The following PFKL variants were observed in gnomAD, a reference collection of about 807,000 sequenced individuals.
PFKL encodes the protein phosphofructokinase, liver type.
PFKL carries 74 observed loss-of-function variants against 92.1 expected under a neutral mutation model. The observed-to-expected ratio is 0.80, with a 90% CI of 0.67 to 0.97. The LOEUF (loss-of-function observed/expected upper bound fraction) is 0.97, where lower values mean the gene tolerates loss of function less well. Ranked by LOEUF, PFKL falls within the 50% of genes least tolerant of loss-of-function variation. The pLI is 0.00. For synonymous variants in PFKL, 494 were observed against 456.4 expected (o/e 1.08, Z -1.05); for missense variants, 1,028 against 1,116.6 (o/e 0.92, Z 1.13).
chr21:44,324,252 C>T (rs2047435693), intron 16 of PFKL, among the ~76,000 whole-genome samples: 2 of 152,098 alleles, frequency 1.3e-5, no homozygotes, highest in South Asian at 4.2e-4. Flanking sequence ...CACTCACAGC[C>T]AGTGTGTGTG....
At chr21:44,320,839 C>T (rs1020270487) in intron 12 of PFKL, 2 of 152,276 alleles carry the variant, frequency 1.3e-5, no homozygotes, top group African/African-American at 2.4e-5. Flanking sequence ...TAGAGAGAGT[C>T]ACGGCCAGTG....
intron 11 of PFKL, chr21:44,319,807 G>T: frequency 3.9e-6 from 2 of 511,830 alleles, no homozygotes; most frequent in South Asian, 2.5e-5. Context: ...TCCCATGCGT[G>T]CCTCCACCCG....
At chr21:44,313,301 C>G (rs987970684) in intron 5 of PFKL, among the ~76,000 whole-genome samples, 158 bp downstream of exon 5, 3 of 152,180 alleles carry the variant, frequency 2.0e-5, no homozygotes, top group Non-Finnish European at 4.4e-5. Context: ...GAACGCACAG[C>G]GGGCTCCACT....
intron 7 of PFKL, chr21:44,314,853 C>G (rs995159251): frequency 3.9e-5 from 6 of 152,344 alleles, no homozygotes; most frequent in African/African-American, 1.4e-4. Context: ...GTGGCTCTAG[C>G]TCTGTCCTCT....
chr21:44,311,623 G>A (rs542026686), intron 3 of PFKL, among the ~76,000 whole-genome samples: 56 of 152,330 alleles, frequency 3.7e-4, no homozygotes, highest in Non-Finnish European at 6.5e-4. Flanking sequence ...GGGTCATGGG[G>A]TTGCCAGGGG....
At chr21:44,321,634 C>T in intron 12 of PFKL, 95 bp from the exon 13 acceptor site, 1 of 1,347,898 alleles carries the variant, frequency 7.4e-7, no homozygotes, top group Non-Finnish European at 9.8e-7. Flanking sequence ...GGCCTGGCCC[C>T]TTTTTCCAGA....
Position 44,319,410 on chromosome 21 carries a change from TGGTG to T in PFKL, c.1126_1127+2del, listed in dbSNP as rs1793555411. On this transcript the variant is annotated frameshift_variant and splice_region_variant, in exon 11 of 22. Transcript: ENST00000349048. LOFTEE classifies it high-confidence loss of function. ...GGTTTGACGAGGCCACCCAGCTCCG[TGGTG>T]GGTAAGCCCCCTCAGCAGACCCCTG... 6.2e-7 allele frequency: 1 copy of T among 1,612,798 alleles called. No individual in the cohort carries two copies. The highest frequency in any genetic ancestry group is 1.7e-5 in the Admixed American group (1 of 60,002).
rs1254868982 is a variant in PFKL at position 44,326,196 on chromosome 21, G to C, written c.2127G>C (p.Val709=). 1 of 1,613,148 alleles carries C rather than the reference G, an allele frequency of 6.2e-7. No homozygotes were observed. The highest frequency in any genetic ancestry group is 8.5e-7 in the Non-Finnish European group (1 of 1,179,852). The change falls in exon 21 of 22, where the codon GTG becomes GTC. Residue 709 remains valine, a synonymous_variant. Coordinates refer to ENST00000349048, the MANE Select transcript of PFKL (RefSeq NM_002626.6). ...CCAATGCCCCAGACTCGGCCTGCGT[G>C]ATCGGCCTGAAGAAGAAGGCGGTGG... ...VFANAPDSAC[V]IGLKKKAVAF...
chr21:44,317,913 T>C (rs2047251753), intron 9 of PFKL, among the ~76,000 whole-genome samples: 1 of 152,240 alleles, frequency 6.6e-6, no homozygotes, highest in South Asian at 2.1e-4. Context: ...CTGCTGGGCT[T>C]CTACAGGGCT....
chr21:44,307,525 C>T (rs1798003698), intron 2 of PFKL, among the ~76,000 whole-genome samples: 1 of 152,148 alleles, frequency 6.6e-6, no homozygotes, highest in Non-Finnish European at 1.5e-5. Context: ...GTAGCAACCC[C>T]AGCTCTGCAG....
chr21:44,313,277 G>GC (rs1660093003), intron 5 of PFKL, 134 bp downstream of exon 5: 1 of 1,018,578 alleles, frequency 9.8e-7, no homozygotes. Flanking sequence ...GCCGCCCTCA[G>GC]CCCCCAGCTG....
chr21:44,305,737 T>C, intron 1 of PFKL: 5 of 1,335,876 alleles, frequency 3.7e-6, no homozygotes, highest in Non-Finnish European at 5.0e-6. Flanking sequence ...GGGAAGAAGG[T>C]GTGGGGTACA....
intron 9 of PFKL, 46 bp downstream of exon 9, chr21:44,316,570 GGTGTGT>G: frequency 7.0e-7 from 1 of 1,432,754 alleles, no homozygotes; most frequent in Non-Finnish European, 9.6e-7. Context: ...GGGTAAGCGT[GGTGTGT>G]GGGTGTGGGT....
In PFKL at chr21:44,300,079, A is replaced by T. The variant is rs1233415109; in HGVS notation, c.-27A>T. On this transcript the variant is annotated 5_prime_UTR_variant, in exon 1 of 22. Coordinates refer to ENST00000349048, the MANE Select transcript of PFKL (RefSeq NM_002626.6). ...ACGCGGCGCAGGCGGCGGGAGTGCG[A>T]GCTGGGCCCGTGTTTCGGCCGCCGC... is the stretch of plus-strand genomic sequence containing the variant. 3.2e-5 allele frequency: 35 copies of T among 1,079,922 alleles called. No homozygotes were observed. The highest frequency in any genetic ancestry group is 3.8e-5 in the Non-Finnish European group (34 of 883,420). The allele number at this position is 1,079,922 out of a possible 1,614,324, so 66.9% of individuals were successfully genotyped here. A position where few individuals can be genotyped will look rare whatever the true frequency, so the allele number is the denominator to read the frequency against.
intron 1 of PFKL, among the ~76,000 whole-genome samples, chr21:44,306,300 A>G (rs1489750815): frequency 6.6e-6 from 1 of 152,136 alleles, no homozygotes; most frequent in Non-Finnish European, 1.5e-5. Context: ...CATGCTCTGC[A>G]TGGGATGTTC....
chr21:44,310,446 C>T (rs1246063845), intron 2 of PFKL, among the ~76,000 whole-genome samples: 1 of 152,168 alleles, frequency 6.6e-6, no homozygotes, highest in Non-Finnish European at 1.5e-5. Flanking sequence ...GGTGGGGGCC[C>T]GCCTGTAGGG....
At chr21:44,301,239 C>G (rs964125424) in intron 1 of PFKL, among the ~76,000 whole-genome samples, 3 of 152,156 alleles carry the variant, frequency 2.0e-5, no homozygotes, top group African/African-American at 4.8e-5. Context: ...ACTGTCTGAA[C>G]CCCGGCCTGC....
intron 1 of PFKL, among the ~76,000 whole-genome samples, chr21:44,303,891 G>A (rs937874154): frequency 5.9e-5 from 9 of 152,128 alleles, no homozygotes; most frequent in East Asian, 3.8e-4. Context: ...CCCTCTGACT[G>A]CGGTGTCGGC....
intron 2 of PFKL, 64 bp downstream of exon 2, chr21:44,306,818 G>A: frequency 7.2e-7 from 1 of 1,390,252 alleles, no homozygotes; most frequent in South Asian, 1.2e-5. Context: ...ATGCCGAGGT[G>A]TGTTCTGTGT....
Sources: gnomAD v4.1 joint callset for allele counts (sites outside exome capture counted in the v4.1 genomes callset) on GRCh38, gnomAD v4.1.1 for gene constraint, MANE v1.5 for transcripts, NCBI Gene and HGNC (gene_info 2026-07-23, HGNC 2026-07-21) for gene names.